Variants in RYR2 observed in about 807,000 individuals in gnomAD.
RYR2 encodes cardiac muscle ryanodine receptor-calcium release channel.
Under a neutral mutation model 601.1 loss-of-function variants are expected in RYR2, and 227 were observed. The ratio of observed to expected loss-of-function variants is 0.38; its 90% CI spans 0.34 to 0.42. The LOEUF (loss-of-function observed/expected upper bound fraction) is 0.42. RYR2 is among the 10% of genes least tolerant of loss of function. The probability of loss-of-function intolerance (pLI) is 1.00; values close to 1 mark genes in which losing one functional copy is unlikely to be tolerated. For synonymous variants in RYR2, 2,223 were observed against 2,175.1 expected, an observed-to-expected ratio of 1.02 and a Z score of -0.61; for missense variants, 4,646 against 6,156.5, an observed-to-expected ratio of 0.75 and a Z score of 8.21.
chr1:237,734,169 A>G (rs1346698023), intron 79 of RYR2, among the ~76,000 whole-genome samples: 1 of 152,216 alleles, frequency 6.6e-6, no homozygotes, highest in African/African-American at 2.4e-5. Flanking sequence ...ATTACCTGAG[A>G]CTAGGTAATC....
chr1:237,760,599 T>A (rs571761041), intron 83 of RYR2, among the ~76,000 whole-genome samples: 1 of 152,280 alleles, frequency 6.6e-6, no homozygotes, highest in Admixed American at 6.5e-5. Context: ...CAGACAGCAT[T>A]TGACTAAGGA....
At position 237,757,783 on chromosome 1, in the gene RYR2, G is replaced by C. The variant is rs756458742; in HGVS notation, c.11325+7G>C. 1 of 1,562,772 alleles carries C rather than the reference G, an allele frequency of 6.4e-7. No individual in the cohort carries two copies. Among genetic ancestry groups the C allele is most frequent in the Non-Finnish European group, 8.8e-7 (1 of 1,133,602 alleles). ...GAACTCCACAGTACAGCAGGTAACA[G>C]CTTCCAGTCATTCATATAATGTACT... On this transcript the variant is annotated splice_region_variant and intron_variant, in intron 82 of 104. Transcript: ENST00000366574.
chr1:237,169,151 TTTAG>T (rs1432221883), intron 1 of RYR2, among the ~76,000 whole-genome samples: 2 of 152,336 alleles, frequency 1.3e-5, no homozygotes, highest in African/African-American at 2.4e-5. Context: ...GTTATTAAAT[TTTAG>T]TTAGTGTCAA....
At chr1:237,071,196 G>T (rs1198884281) in intron 1 of RYR2, among the ~76,000 whole-genome samples, 1 of 151,916 alleles carries the variant, frequency 6.6e-6, no homozygotes, top group Non-Finnish European at 1.5e-5. Context: ...TGACGAGTGT[G>T]CGAGTCCAGC....
chr1:237,660,190 C>T, intron 55 of RYR2, 116 bp downstream of exon 55: 1 of 509,384 alleles, frequency 2.0e-6, no homozygotes, highest in Non-Finnish European at 3.1e-6. Flanking sequence ...CACATTTTTT[C>T]TTCCAAAGGT....
intron 1 of RYR2, among the ~76,000 whole-genome samples, chr1:237,133,699 G>C (rs1369592972): frequency 1.3e-5 from 2 of 151,936 alleles, no homozygotes; most frequent in Non-Finnish European, 2.9e-5. Context: ...CCGCTGACGC[G>C]GGTGGATCAT....
At chr1:237,598,524 G>A (rs1225033489) in intron 34 of RYR2, among the ~76,000 whole-genome samples, 3 of 152,076 alleles carry the variant, frequency 2.0e-5, no homozygotes, top group Admixed American at 2.0e-4. Flanking sequence ...GAAACTTTAC[G>A]AATACATAGA....
intron 94 of RYR2, 89 bp from the exon 95 acceptor site, chr1:237,793,778 C>A (rs1658743245): frequency 3.0e-6 from 3 of 997,508 alleles, no homozygotes; most frequent in East Asian, 2.7e-5. Context: ...GGAAATATTT[C>A]TTTCCAAAAG....
intron 15 of RYR2, among the ~76,000 whole-genome samples, chr1:237,456,136 G>C (rs564776377): frequency 1.3e-5 from 2 of 152,078 alleles, no homozygotes; most frequent in East Asian, 3.9e-4. Context: ...TAAAAATAAA[G>C]CATAATTTCA....
chr1:237,081,132 G>T (rs1297662909), intron 1 of RYR2, among the ~76,000 whole-genome samples: 5 of 94,996 alleles, frequency 5.3e-5, no homozygotes, highest in African/African-American at 2.1e-4. Flanking sequence ...GACTGTGGTG[G>T]GGTCGGGGGA....
intron 1 of RYR2, among the ~76,000 whole-genome samples, chr1:237,148,538 A>T (rs1237641374): frequency 7.7e-6 from 1 of 130,396 alleles, no homozygotes; most frequent in African/African-American, 3.1e-5. Context: ...ATATATATAT[A>T]TATATATATA....
At chr1:237,682,690 C>T (rs975857325) in intron 62 of RYR2, among the ~76,000 whole-genome samples, 1 of 152,092 alleles carries the variant, frequency 6.6e-6, no homozygotes, top group Admixed American at 6.5e-5. Flanking sequence ...CAGACTGAAT[C>T]CCCATCATTA....
At chr1:237,356,109 G>T in intron 4 of RYR2, 124 bp downstream of exon 4, 1 of 811,836 alleles carries the variant, frequency 1.2e-6, no homozygotes, top group Non-Finnish European at 2.0e-6. Context: ...TAACTGCTTC[G>T]TTGTAATGAA....
Position 237,510,118 on chromosome 1 carries a change from G to T in RYR2, c.2719-1570G>T, listed in dbSNP as rs145864749. Among the ~76,000 whole-genome samples, 43 of 152,348 alleles carry T rather than the reference G, an allele frequency of 2.8e-4. No homozygotes were observed. The South Asian group carries it at 7.5e-3, about 26-fold the overall frequency. Reference sequence around the variant, plus strand: ...GTCTGCTTTCAAAAGAAGCTCTGCTGTGAATGTGGAAAAGCAGAGAGCCTG... The same window carrying T: ...GTCTGCTTTCAAAAGAAGCTCTGCTTTGAATGTGGAAAAGCAGAGAGCCTG... On this transcript the variant is annotated intron_variant, in intron 23 of 104. Coordinates refer to ENST00000366574, the MANE Select transcript of RYR2 (RefSeq NM_001035.3).
intron 30 of RYR2, among the ~76,000 whole-genome samples, chr1:237,590,435 A>G (rs1675025821): frequency 6.6e-6 from 1 of 152,156 alleles, no homozygotes; most frequent in Non-Finnish European, 1.5e-5. Context: ...TATAAGATAA[A>G]TTTCCGAAAC....
At chr1:237,197,221 A>G (rs1447696212) in intron 1 of RYR2, among the ~76,000 whole-genome samples, 2 of 152,016 alleles carry the variant, frequency 1.3e-5, no homozygotes, top group Admixed American at 6.6e-5. Flanking sequence ...TACCTTTTTT[A>G]TTGTCGTTTC....
At chr1:237,370,636 T>A (rs4290053) in intron 6 of RYR2, among the ~76,000 whole-genome samples, 47,297 of 150,642 alleles carry the variant, frequency 0.31, 7,924 homozygotes, top group East Asian at 0.44. Context: ...TAAAATATGT[T>A]AAAAATATGC....
At chr1:237,555,151 A>G (rs1670761137) in intron 27 of RYR2, 2 of 152,132 alleles carry the variant, frequency 1.3e-5, no homozygotes, top group African/African-American at 4.8e-5. Context: ...CAGCTTTGAA[A>G]TGACCTATTA....
At chr1:237,492,822 T>TGGAAG in intron 18 of RYR2, 132 bp from the exon 19 acceptor site, 2 of 820,250 alleles carry the variant, frequency 2.4e-6, no homozygotes, top group Non-Finnish European at 3.5e-6. Context: ...AGATGCTGTC[T>TGGAAG]GAAAGGAAGG....
Sources: allele counts gnomAD v4.1 joint callset (sites outside exome capture counted in the v4.1 genomes callset), GRCh38; gene constraint gnomAD v4.1.1; transcripts MANE v1.5; gene names NCBI Gene and HGNC (gene_info 2026-07-23, HGNC 2026-07-21).